TMEM230: variants seen among roughly 807,000 people sequenced by gnomAD.
TMEM230 encodes the protein UPF0414 transmembrane protein C20orf30.
In TMEM230, 10 loss-of-function variants were observed where a neutral mutation model predicts 15.8. The observed-to-expected ratio is 0.63, with a 90% CI of 0.39 to 1.07. The LOEUF is 1.07. Ranked by LOEUF, TMEM230 falls within the 50% of genes least tolerant of loss-of-function variation. TMEM230 has a pLI of 0.01. For synonymous variants in TMEM230, 67 were observed against 76.9 expected, an observed-to-expected ratio of 0.87 and a Z score of 0.68; for missense variants, 165 against 193.3, an observed-to-expected ratio of 0.85 and a Z score of 0.87.
Position 5,100,272 on chromosome 20 carries a change from CA to C in TMEM230, c.*518del. On this transcript the variant is annotated 3_prime_UTR_variant, in exon 5 of 5. Transcript: ENST00000342308. Reference sequence around the variant, plus strand: ...GGATAAAAAAATTCCTGGTTGCTGTCAGTAAGAAAGCAAGTAAAAAAAATAT... The same window carrying C: ...GGATAAAAAAATTCCTGGTTGCTGTCGTAAGAAAGCAAGTAAAAAAAATAT... 2 of 985,390 alleles carry C rather than the reference CA, an allele frequency of 2.0e-6. No individual in the cohort carries two copies. Among genetic ancestry groups the C allele is most frequent in the Non-Finnish European group, 2.4e-6 (2 of 829,986 alleles). The allele number at this position is 985,390 out of a possible 1,614,324, so 61.0% of individuals were successfully genotyped here.
rs2089818990 is a variant in TMEM230, at chr20:5,100,731, C to T, written c.*60G>A. 1.3e-6 allele frequency: 2 copies of T among 1,593,310 alleles called. No individual in the cohort carries two copies. Among genetic ancestry groups the T allele is most frequent in the East Asian group, 4.5e-5 (2 of 44,408 alleles). ...CCTTAGTCCTCAGCTATAGTTTCTG[C>T]TAGATATCTTAAAGCTGGGACAGTT... On this transcript the variant is annotated 3_prime_UTR_variant, in exon 5 of 5. Transcript: ENST00000342308.
In TMEM230 at chr20:5,109,365, G is replaced by A; in HGVS notation, c.255C>T (p.Leu85=). ...CAATGTAGCCATCGTCTGTGCTGGA[G>A]AGCCTTGAATATTTCACTTTACTAC... Residue 85 remains leucine, a synonymous_variant, in exon 3 of 5, where the codon CTC becomes CTT. Transcript: ENST00000342308. The A allele has an allele frequency of 1.9e-6, 3 of 1,613,360 alleles. No homozygotes were observed. Among genetic ancestry groups the A allele is most frequent in the Middle Eastern group, 1.8e-4 (1 of 5,660 alleles).
At chr20:5,106,092 C>T in intron 4 of TMEM230, 96 bp downstream of exon 3, 6 of 1,437,188 alleles carry the variant, frequency 4.2e-6, no homozygotes, top group Non-Finnish European at 4.7e-6. Context: ...CACACACACA[C>T]ACACACACAC....
chr20:5,067,456 TA>T (rs1183586771), downstream of TMEM230: 1 of 98,876 alleles, frequency 1.0e-5, no homozygotes, highest in African/African-American at 3.9e-5. Context: ...TATATATATA[TA>T]TATTTTAAGA....
intron 3 of TMEM230, among the ~76,000 whole-genome samples, chr20:5,076,386 A>G (rs1478798998): frequency 6.6e-6 from 1 of 151,716 alleles, no homozygotes; most frequent in Non-Finnish European, 1.5e-5. Flanking sequence ...CTAAAAATAC[A>G]AAAAATTACC....
At chr20:5,066,998 AT>A (rs1486700559), downstream of TMEM230, among the ~76,000 whole-genome samples, 1 of 152,078 alleles carries the variant, frequency 6.6e-6, no homozygotes, top group African/African-American at 2.4e-5. Context: ...GTAAAAGTAG[AT>A]TTCAGGTATG....
At chr20:5,072,162 C>T (rs1166938831) in intron 3 of TMEM230, among the ~76,000 whole-genome samples, 2 of 152,146 alleles carry the variant, frequency 1.3e-5, no homozygotes, top group Non-Finnish European at 2.9e-5. Flanking sequence ...GTGATCCTCC[C>T]ACCTCAGCCG....
At chr20:5,079,941 A>G (rs1421840727) in intron 3 of TMEM230, among the ~76,000 whole-genome samples, 1 of 152,136 alleles carries the variant, frequency 6.6e-6, no homozygotes, top group Admixed American at 6.6e-5. Context: ...TTTTAGTTTA[A>G]AAAACTGCAT....
At chr20:5,062,899 C>A in the TMEM230 span, among the ~76,000 whole-genome samples, 9 of 152,112 alleles carry the variant, frequency 5.9e-5, no homozygotes, top group Non-Finnish European at 1.3e-4. Flanking sequence ...ATAGACTGAG[C>A]TATGAAGAAG....
the TMEM230 span, among the ~76,000 whole-genome samples, chr20:5,059,688 C>A: frequency 6.6e-6 from 1 of 151,286 alleles, no homozygotes; most frequent in African/African-American, 2.4e-5. Flanking sequence ...TGGCTCACTG[C>A]AGCCTCAACC....
chr20:5,082,686 C>T (rs756643638), intron 3 of TMEM230, among the ~76,000 whole-genome samples: 3 of 152,058 alleles, frequency 2.0e-5, no homozygotes, highest in East Asian at 1.9e-4. Context: ...TCAAGTGATC[C>T]GCTCACCTTG....
At chr20:5,094,490 C>A (rs1016003421) in intron 3 of TMEM230, among the ~76,000 whole-genome samples, 1 of 151,432 alleles carries the variant, frequency 6.6e-6, no homozygotes, top group Non-Finnish European at 1.5e-5. Context: ...GGGAGGATCA[C>A]GAGGTCAGCA....
chr20:5,101,822 C>T (rs1297104518), intron 4 of TMEM230, among the ~76,000 whole-genome samples: 1 of 152,192 alleles, frequency 6.6e-6, no homozygotes, highest in African/African-American at 2.4e-5. Flanking sequence ...GAAAGAACCA[C>T]CAACTACTTT....
chr20:5,106,366 G>C (rs1478774864), intron 3 of TMEM230, 56 bp from the exon 3 acceptor site: 2 of 1,530,804 alleles, frequency 1.3e-6, no homozygotes, highest in Non-Finnish European at 1.8e-6. Context: ...CAAATACCTG[G>C]GTTCAAACAT....
At position 5,099,997 on chromosome 20, in the gene TMEM230, T is replaced by C; in HGVS notation, c.*794A>G. ...GCATCCAGGCTGATCCTTGGAATCA[T>C]GAGCAGAATGATGACATACTACAAG... On this transcript the variant is annotated 3_prime_UTR_variant, in exon 5 of 5. Transcript: ENST00000342308. 1.0e-6 allele frequency: 1 copy of C among 985,364 alleles called. No homozygotes were observed. Among genetic ancestry groups the C allele is most frequent in the Non-Finnish European group, 1.2e-6 (1 of 829,900 alleles). The allele number at this position is 985,364 out of a possible 1,614,324, so 61.0% of individuals were successfully genotyped here. A position where few individuals can be genotyped will look rare whatever the true frequency, so the allele number is the denominator to read the frequency against.
intron 4 of TMEM230, among the ~76,000 whole-genome samples, chr20:5,102,826 C>G (rs382857): frequency 0.99 from 150,920 of 152,268 alleles, 74,795 homozygotes; most frequent in East Asian, 1. Context: ...ATCGAAAAAA[C>G]AAAAATAGGC....
At chr20:5,089,623 C>T (rs748682081) in intron 3 of TMEM230, among the ~76,000 whole-genome samples, 2 of 151,840 alleles carry the variant, frequency 1.3e-5, no homozygotes, top group African/African-American at 2.4e-5. Context: ...ATTGCTTAAG[C>T]CTGTGAGGCA....
At chr20:5,096,703 C>T (rs2089674286), downstream of TMEM230, among the ~76,000 whole-genome samples, 1 of 152,138 alleles carries the variant, frequency 6.6e-6, no homozygotes, top group Non-Finnish European at 1.5e-5. Context: ...GAGCAGCTGG[C>T]CTGCTAGGCA....
chr20:5,060,332 CTTTT>C, the TMEM230 span, among the ~76,000 whole-genome samples: 11 of 102,924 alleles, frequency 1.1e-4, no homozygotes, highest in African/African-American at 3.0e-4. Flanking sequence ...AGTGTATTGT[CTTTT>C]TTTTTTTTTT....
Sources: allele counts gnomAD v4.1 joint callset (sites outside exome capture counted in the v4.1 genomes callset), GRCh38; gene constraint gnomAD v4.1.1; transcripts MANE v1.5; gene names NCBI Gene and HGNC (gene_info 2026-07-23, HGNC 2026-07-21).